ADCK1: variants seen among roughly 807,000 people sequenced by gnomAD.
ADCK1 encodes aarF domain-containing protein kinase 1.
Under a neutral mutation model 52.3 loss-of-function variants are expected in ADCK1, and 41 were observed. The ratio of observed to expected loss-of-function variants is 0.78; its 90% CI spans 0.61 to 1.02. ADCK1 has a LOEUF of 1.02. Ranked by LOEUF, ADCK1 falls within the 50% of genes least tolerant of loss-of-function variation. ADCK1 has a pLI of 0.00. For synonymous variants in ADCK1, 250 were observed against 274.6 expected (o/e 0.91, Z 0.89); for missense variants, 658 against 679.5 (o/e 0.97, Z 0.35).
At chr14:77,874,393 G>T (rs2082852380) in intron 4 of ADCK1, among the ~76,000 whole-genome samples, 1 of 152,158 alleles carries the variant, frequency 6.6e-6, no homozygotes, top group East Asian at 1.9e-4. Flanking sequence ...TCTGGAGGAG[G>T]TGAGAGGTGA....
chr14:77,823,897 C>A (rs2081635767), intron 3 of ADCK1, among the ~76,000 whole-genome samples: 1 of 150,674 alleles, frequency 6.6e-6, no homozygotes, highest in East Asian at 2.0e-4. Context: ...TTTATTCATT[C>A]ATTTATTTGT....
chr14:77,822,593 T>TCA, intron 3 of ADCK1, 75 bp downstream of exon 3: 1 of 1,267,340 alleles, frequency 7.9e-7, no homozygotes, highest in South Asian at 1.2e-5. Context: ...CTAGTGATCC[T>TCA]CCCACCTCAC....
intron 1 of ADCK1, among the ~76,000 whole-genome samples, chr14:77,803,073 G>A (rs534583190): frequency 1.8e-4 from 27 of 152,262 alleles, no homozygotes; most frequent in African/African-American, 6.5e-4. Flanking sequence ...GGTGTCTTTG[G>A]CATCTTTCCA....
intron 1 of ADCK1, among the ~76,000 whole-genome samples, chr14:77,812,552 C>T (rs2081357481): frequency 6.6e-6 from 1 of 152,038 alleles, no homozygotes; most frequent in South Asian, 2.1e-4. Flanking sequence ...TGGATGGACA[C>T]TTAGGTTGTT....
intron 9 of ADCK1, among the ~76,000 whole-genome samples, chr14:77,927,038 T>C (rs1263366316): frequency 6.6e-6 from 1 of 152,082 alleles, no homozygotes; most frequent in Admixed American, 6.5e-5. Flanking sequence ...GCCTGTGCAG[T>C]CAGAAAGCCC....
chr14:77,905,303 G>GTTTTTTTTTTTTT (rs1566722295), intron 6 of ADCK1, among the ~76,000 whole-genome samples: 3 of 65,340 alleles, frequency 4.6e-5, no homozygotes, highest in South Asian at 4.0e-4. Context: ...TTTCCTAGCT[G>GTTTTTTTTTTTTT]GTTTTTTTTT....
rs200494082 is a variant in ADCK1 at position 77,907,858 on chromosome 14, T to C, written c.797T>C (p.Val266Ala). The stretch of plus-strand genomic sequence containing the variant: ...GAGCGGGTCCTCCTGATGGAGTTTG[T>C]GGATGGCGGGCAGGTCAATGACAGA... ...STERVLLMEF[V>A]DGGQVNDRDY... Residue 266 changes from valine (V) to alanine (A), a missense_variant, in exon 7 of 11, where the codon GTG becomes GCG. By Grantham distance (64) the Val-to-Ala change is moderately conservative. Coordinates refer to ENST00000238561, the MANE Select transcript of ADCK1 (RefSeq NM_020421.4). 84 of 1,613,940 alleles carry C rather than the reference T, an allele frequency of 5.2e-5. No homozygotes were observed. In the East Asian group the frequency reaches 6.7e-4, roughly 13 times the overall value.
At chr14:77,873,787 A>G (rs1194347326) in intron 4 of ADCK1, among the ~76,000 whole-genome samples, 1 of 152,124 alleles carries the variant, frequency 6.6e-6, no homozygotes, top group Admixed American at 6.5e-5. Context: ...TTCTGCCACA[A>G]TTGTTAGTTT....
intron 4 of ADCK1, among the ~76,000 whole-genome samples, chr14:77,879,065 C>T (rs947033839): frequency 1.3e-5 from 2 of 152,146 alleles, no homozygotes; most frequent in African/African-American, 4.8e-5. Flanking sequence ...TCAAGGTACC[C>T]AGCACCTAGG....
Position 77,933,323 on chromosome 14 carries a change from G to T in ADCK1, c.1504G>T (p.Val502Leu). Residue 502 changes from valine to leucine, a missense_variant, in exon 11 of 11, where the codon GTG becomes TTG. Transcript: ENST00000238561. ...CAACCTCCATGAGCTCATCCTGCGTGTGAAGGGGTTGAAGCTGGCTGACCG... is the reference window on the plus strand; with the variant it reads ...CAACCTCCATGAGCTCATCCTGCGTTTGAAGGGGTTGAAGCTGGCTGACCG... ...QINLHELILRVKGLKLADRVL... is the reference protein window; with the variant it reads ...QINLHELILRLKGLKLADRVL... 6.2e-7 allele frequency: 1 copy of T among 1,614,210 alleles called. No homozygotes were observed. Among genetic ancestry groups the T allele is most frequent in the Non-Finnish European group, 8.5e-7 (1 of 1,180,036 alleles).
rs2083704996 is a variant in ADCK1 at position 77,907,932 on chromosome 14, G to A, written c.858+13G>A. ...CGACGTCAATGAGGTGAGGTCAAGAGCTCAGGGCTGCTGTGCCGGGGAACG... is the reference window on the plus strand; with the variant it reads ...CGACGTCAATGAGGTGAGGTCAAGAACTCAGGGCTGCTGTGCCGGGGAACG... On this transcript the variant is annotated intron_variant, in intron 7 of 10. Transcript: ENST00000238561. 2 of 1,609,460 alleles carry A rather than the reference G, an allele frequency of 1.2e-6. No individual in the cohort carries two copies. The highest frequency in any genetic ancestry group is 1.3e-5 in the African/African-American group (1 of 74,838).
chr14:77,870,830 G>A (rs189304851), intron 4 of ADCK1, among the ~76,000 whole-genome samples: 31 of 152,270 alleles, frequency 2.0e-4, no homozygotes, highest in Non-Finnish European at 2.1e-4. Flanking sequence ...ACTGGAACTC[G>A]TGGCCTTCCC....
chr14:77,890,724 A>G (rs2083265817), intron 5 of ADCK1, among the ~76,000 whole-genome samples: 2 of 152,224 alleles, frequency 1.3e-5, no homozygotes, highest in Admixed American at 6.5e-5. Flanking sequence ...GAGCAGCTAC[A>G]GTGGCCTGAT....
Position 77,933,517 on chromosome 14 carries a change from C to T in ADCK1, c.*126C>T. The T allele has an allele frequency of 5.1e-6, 6 of 1,182,996 alleles. No individual in the cohort carries two copies. Among genetic ancestry groups the T allele is most frequent in the African/African-American group, 3.0e-5 (2 of 66,388 alleles). The allele number at this position is 1,182,996 out of a possible 1,614,324, so 73.3% of individuals were successfully genotyped here. On this transcript the variant is annotated 3_prime_UTR_variant, in exon 11 of 11. Coordinates refer to ENST00000238561, the MANE Select transcript of ADCK1 (RefSeq NM_020421.4). Reference sequence around the variant, plus strand: ...AGCCCCAGAGTCACTGTCCATGTCACCATCCTTCTCCTCCTTTGGAATCCT... The same window carrying T: ...AGCCCCAGAGTCACTGTCCATGTCATCATCCTTCTCCTCCTTTGGAATCCT...
At chr14:77,852,678 TATATATATATATA>T (rs2082319832) in intron 3 of ADCK1, among the ~76,000 whole-genome samples, 17 of 73,992 alleles carry the variant, frequency 2.3e-4, no homozygotes, top group Admixed American at 4.8e-4. Context: ...TATATATATA[TATATATATATATA>T]TATATATATA....
At chr14:77,874,025 G>A (rs1438883152) in intron 4 of ADCK1, among the ~76,000 whole-genome samples, 1 of 152,238 alleles carries the variant, frequency 6.6e-6, no homozygotes, top group East Asian at 1.9e-4. Context: ...TACCCAAGGT[G>A]AGGTGACTTC....
At chr14:77,833,187 A>G (rs2081893243) in intron 3 of ADCK1, among the ~76,000 whole-genome samples, 1 of 152,204 alleles carries the variant, frequency 6.6e-6, no homozygotes, top group Non-Finnish European at 1.5e-5. Flanking sequence ...CAAGGTGGGC[A>G]TGTTCAGGGG....
intron 6 of ADCK1, among the ~76,000 whole-genome samples, chr14:77,901,504 C>T (rs2083543900): frequency 1.3e-5 from 2 of 152,200 alleles, no homozygotes; most frequent in South Asian, 4.2e-4. Flanking sequence ...ATTCTCCTGC[C>T]TCAGCCTCCT....
At chr14:77,812,782 G>T (rs1238223582) in intron 1 of ADCK1, among the ~76,000 whole-genome samples, 1 of 151,844 alleles carries the variant, frequency 6.6e-6, no homozygotes, top group African/African-American at 2.4e-5. Context: ...TAGAGATAGG[G>T]TTTTGCCATG....
Sources: allele counts gnomAD v4.1 joint callset (sites outside exome capture counted in the v4.1 genomes callset), GRCh38; gene constraint gnomAD v4.1.1; transcripts MANE v1.5; gene names NCBI Gene and HGNC (gene_info 2026-07-23, HGNC 2026-07-21).